The following CACNB2 variants were observed in gnomAD, a reference collection of about 807,000 sequenced individuals.
CACNB2 encodes calcium voltage-gated channel auxiliary subunit beta 2.
In CACNB2, 42 loss-of-function variants were observed where a neutral mutation model predicts 73.3. The ratio of observed to expected loss-of-function variants is 0.57; its 90% CI spans 0.45 to 0.74. The LOEUF is 0.74. Among genes scored for constraint, CACNB2 ranks in the 30% least tolerant of loss-of-function variants. CACNB2 has a pLI of 0.00. For synonymous variants in CACNB2, 348 were observed against 310.3 expected (o/e 1.12, Z -1.28); for missense variants, 940 against 853.0 (o/e 1.10, Z -1.27).
Position 18,443,020 on chromosome 10 carries a change from A to ATATG in CACNB2, c.333+40980_333+40981insGTAT, listed in dbSNP as rs1384489270. 4.7e-5 allele frequency among the ~76,000 whole-genome samples: 5 copies of ATATG among 107,076 alleles called. 1 individual carries two copies. The highest frequency in any genetic ancestry group is 2.0e-4 in the Admixed American group (2 of 9,820). 70.2% of individuals were successfully genotyped at this position (107,076 alleles called of 152,430 possible). A position where few individuals can be genotyped will look rare whatever the true frequency, so the allele number is the denominator to read the frequency against. On this transcript the variant is annotated intron_variant, in intron 3 of 13. Transcript: ENST00000324631. The stretch of plus-strand genomic sequence containing the variant: ...TATGTGTATATATATATATGTATAT[A>ATATG]TATATATATATATATAAATAAGGAA...
chr10:18,342,454 C>G (rs2041271198), intron 2 of CACNB2, among the ~76,000 whole-genome samples: 2 of 152,306 alleles, frequency 1.3e-5, no homozygotes, highest in African/African-American at 4.8e-5. Context: ...ATAGCAAGAT[C>G]TGTGTCTACA....
At chr10:18,421,355 T>C (rs894052345) in intron 3 of CACNB2, among the ~76,000 whole-genome samples, 2 of 150,730 alleles carry the variant, frequency 1.3e-5, no homozygotes, top group African/African-American at 2.4e-5. Flanking sequence ...TGGAGTACAA[T>C]GGTGCAATCT....
At chr10:18,196,310 T>TTTGG (rs56213436) in intron 2 of CACNB2, among the ~76,000 whole-genome samples, 1 of 151,138 alleles carries the variant, frequency 6.6e-6, no homozygotes, top group East Asian at 1.9e-4. Context: ...TTTTTTTTTT[T>TTTGG]GAGACAGGGT....
rs764828520 is a variant in CACNB2, at chr10:18,538,308, C to T, written c.1431C>T (p.Ser477=). ...GTAGCCTCCCCAACCCTCTCCTTAG[C>T]CGTACATTAGCCACTTCAAGTCTGC... ...PSSSLPNPLL[S]RTLATSSLPL... Residue 477 remains serine, a synonymous_variant, in exon 13 of 14, where the codon AGC becomes AGT. Coordinates refer to ENST00000324631, the MANE Select transcript of CACNB2 (RefSeq NM_201596.3). The T allele has an allele frequency of 3.0e-5, 48 of 1,614,046 alleles. No individual in the cohort carries two copies. The highest frequency in any genetic ancestry group is 4.0e-5 in the African/African-American group (3 of 74,914).
chr10:18,460,410 G>A (rs922113309), intron 3 of CACNB2, among the ~76,000 whole-genome samples: 9 of 152,060 alleles, frequency 5.9e-5, no homozygotes, highest in Non-Finnish European at 1.2e-4. Flanking sequence ...TATACACACA[G>A]CTCTGATAGT....
intron 2 of CACNB2, among the ~76,000 whole-genome samples, chr10:18,155,175 A>G (rs780241197): frequency 1.3e-5 from 2 of 152,142 alleles, no homozygotes; most frequent in South Asian, 2.1e-4. Context: ...ATTCAGCCTC[A>G]CCTGTCCCCT....
In CACNB2 at chr10:18,540,613, T is replaced by G. The variant is rs537827493; in HGVS notation, c.*889T>G. ...ATGGTAAATATAAAACTCCAGAGGT[T>G]GTTCTACTCCATACAGTTCACACTG... is the stretch of plus-strand genomic sequence containing the variant. On this transcript the variant is annotated 3_prime_UTR_variant, in exon 14 of 14. Transcript: ENST00000324631. The G allele has an allele frequency of 6.5e-6, 1 of 152,686 alleles. No individual in the cohort carries two copies. The highest frequency in any genetic ancestry group is 2.4e-5 in the African/African-American group (1 of 41,554). 9.5% of individuals were successfully genotyped at this position (152,686 alleles called of 1,614,324 possible).
intron 2 of CACNB2, among the ~76,000 whole-genome samples, chr10:18,193,317 AT>A (rs752609894): frequency 6.6e-6 from 1 of 151,990 alleles, no homozygotes; most frequent in African/African-American, 2.4e-5. Flanking sequence ...TTCCCCAGCA[AT>A]AAACAAGCAT....
At chr10:18,332,407 G>A (rs899846541) in intron 2 of CACNB2, among the ~76,000 whole-genome samples, 4 of 152,216 alleles carry the variant, frequency 2.6e-5, no homozygotes, top group East Asian at 1.9e-4. Flanking sequence ...TAGCTCTTTC[G>A]GGGACACAGA....
At chr10:18,146,510 C>G (rs1348354817) in intron 1 of CACNB2, among the ~76,000 whole-genome samples, 1 of 151,668 alleles carries the variant, frequency 6.6e-6, no homozygotes, top group Non-Finnish European at 1.5e-5. Context: ...CAGAATCTCG[C>G]TCTGTCACTC....
intron 2 of CACNB2, among the ~76,000 whole-genome samples, chr10:18,175,957 A>C (rs146621104): frequency 3.7e-3 from 567 of 152,312 alleles, no homozygotes; most frequent in African/African-American, 0.011. Flanking sequence ...CAATAGAAAG[A>C]AAGCCCATTA....
At chr10:18,242,828 CA>C (rs10556493) in intron 2 of CACNB2, among the ~76,000 whole-genome samples, 163 of 143,438 alleles carry the variant, frequency 1.1e-3, no homozygotes, top group African/African-American at 1.5e-3. Context: ...ACTAAAAATG[CA>C]AAAAAAAAAA....
intron 2 of CACNB2, among the ~76,000 whole-genome samples, chr10:18,231,664 C>G (rs1364267331): frequency 6.6e-6 from 1 of 152,206 alleles, no homozygotes; most frequent in Non-Finnish European, 1.5e-5. Flanking sequence ...TGATTGACAG[C>G]TGTACCTTTA....
Position 18,542,191 on chromosome 10 carries a change from AAAG to A in CACNB2, c.*2470_*2472del, listed in dbSNP as rs903286896. ...CCTGGTGACAACCTGGTGTTTAAAA[AAAG>A]AAAATAAAAATTAGTTACATATATA... is the stretch of plus-strand genomic sequence containing the variant. On this transcript the variant is annotated 3_prime_UTR_variant, in exon 14 of 14. Coordinates refer to ENST00000324631, the MANE Select transcript of CACNB2 (RefSeq NM_201596.3). 6.6e-6 allele frequency: 1 copy of A among 152,138 alleles called. No homozygotes were observed. The highest frequency in any genetic ancestry group is 2.4e-5 in the African/African-American group (1 of 41,416). The allele number at this position is 152,138 out of a possible 1,614,324, so 9.4% of individuals were successfully genotyped here.
intron 2 of CACNB2, among the ~76,000 whole-genome samples, chr10:18,178,815 ACT>A (rs1217670838): frequency 1.3e-5 from 2 of 151,890 alleles, no homozygotes; most frequent in East Asian, 3.9e-4. Context: ...TTTGTTTGAA[ACT>A]CTGTGAACCC....
intron 3 of CACNB2, among the ~76,000 whole-genome samples, chr10:18,494,457 A>G (rs942969865): frequency 4.0e-5 from 6 of 151,828 alleles, no homozygotes; most frequent in South Asian, 2.1e-4. Context: ...GTGAAACCCC[A>G]TCTCTACTAA....
chr10:18,241,976 GTATA>G (rs1286690170), intron 2 of CACNB2, among the ~76,000 whole-genome samples: 3 of 151,786 alleles, frequency 2.0e-5, no homozygotes, highest in Non-Finnish European at 4.4e-5. Context: ...ATTCAATTAC[GTATA>G]TAGTCAACCA....
chr10:18,535,588 C>G (rs970397873), intron 11 of CACNB2, among the ~76,000 whole-genome samples: 2 of 152,030 alleles, frequency 1.3e-5, no homozygotes, highest in African/African-American at 4.8e-5. Context: ...CTGGCTAACA[C>G]AGTGAAACCC....
chr10:18,154,696 G>A (rs879550323), intron 2 of CACNB2, among the ~76,000 whole-genome samples: 3 of 152,256 alleles, frequency 2.0e-5, no homozygotes, highest in Non-Finnish European at 2.9e-5. Context: ...TCAAACTCCT[G>A]ACCTCAAGTG....
Sources: gnomAD v4.1 joint callset for allele counts (sites outside exome capture counted in the v4.1 genomes callset) on GRCh38, gnomAD v4.1.1 for gene constraint, MANE v1.5 for transcripts, NCBI Gene and HGNC (gene_info 2026-07-23, HGNC 2026-07-21) for gene names.